The following HCK variants were observed in gnomAD, a reference collection of about 807,000 sequenced individuals.
HCK encodes HCK proto-oncogene, Src family tyrosine kinase.
In HCK, 40 loss-of-function variants were observed where a neutral mutation model predicts 70.4. The ratio of observed to expected loss-of-function variants is 0.57; its 90% CI spans 0.44 to 0.74. HCK has a LOEUF of 0.74. Ranked by LOEUF, HCK falls within the 30% of genes least tolerant of loss-of-function variation. The pLI is 0.00. For synonymous variants in HCK, 245 were observed against 263.2 expected (o/e 0.93, Z 0.67); for missense variants, 568 against 697.2 (o/e 0.81, Z 2.09).
At chr20:32,066,212 G>A (rs2045454565) in intron 1 of HCK, among the ~76,000 whole-genome samples, 2 of 149,810 alleles carry the variant, frequency 1.3e-5, no homozygotes, top group Admixed American at 6.7e-5. Flanking sequence ...AATAATATCA[G>A]CACCATCTGT....
At chr20:32,072,564 A>AG (rs2045559000) in intron 2 of HCK, 1 of 54,938 alleles carries the variant, frequency 1.8e-5, no homozygotes, top group Non-Finnish European at 2.9e-5. Flanking sequence ...CTGTCTCTTT[A>AG]AAAAAAAAAA....
chr20:32,059,429 CT>C (rs948031650), intron 1 of HCK, among the ~76,000 whole-genome samples: 2 of 145,380 alleles, frequency 1.4e-5, no homozygotes, highest in Non-Finnish European at 3.1e-5. Flanking sequence ...CTCTTTCTTT[CT>C]TTTTTCTTTC....
At chr20:32,072,496 G>A (rs770361896) in intron 2 of HCK, 1 of 139,734 alleles carries the variant, frequency 7.2e-6, no homozygotes, top group African/African-American at 2.7e-5. Flanking sequence ...CCAGGAGTTC[G>A]AACTGCATGA....
Position 32,073,736 on chromosome 20 carries a change from G to A in HCK, c.247G>A (p.Val83Met), listed in dbSNP as rs767291366. The A allele has an allele frequency of 1.3e-5, 21 of 1,558,022 alleles. No individual in the cohort carries two copies. Among genetic ancestry groups the A allele is most frequent in the African/African-American group, 2.7e-5 (2 of 73,488 alleles). Residue 83 changes from valine (V) to methionine (M), a missense_variant, in exon 4 of 13, where the codon GTG becomes ATG. Coordinates refer to ENST00000375852, the MANE Select transcript of HCK (RefSeq NM_002110.5). ...CCCAGCAGGCTCTGAGGACATCATC[G>A]TGGTTGCCCTGTATGATTACGAGGC...
chr20:32,095,700 A>C (rs2045945313), intron 11 of HCK, among the ~76,000 whole-genome samples: 1 of 152,172 alleles, frequency 6.6e-6, no homozygotes, highest in Non-Finnish European at 1.5e-5. Context: ...ACAACTTTGT[A>C]AATATTCTGA....
intron 1 of HCK, among the ~76,000 whole-genome samples, chr20:32,059,516 T>C (rs1411990007): frequency 6.6e-6 from 1 of 151,120 alleles, no homozygotes; most frequent in African/African-American, 2.4e-5. Flanking sequence ...TCTCTCTTTT[T>C]TTTTTCTTTT....
chr20:32,086,606 C>T, intron 8 of HCK, 22 bp from the exon 9 acceptor site: 1 of 1,587,850 alleles, frequency 6.3e-7, no homozygotes, highest in South Asian at 1.1e-5. Flanking sequence ...GACCACCTTC[C>T]CTGCTCTCTA....
chr20:32,086,885 G>T, intron 9 of HCK, 78 bp downstream of exon 9: 1 of 1,368,020 alleles, frequency 7.3e-7, no homozygotes, highest in South Asian at 1.5e-5. Context: ...CTTGGACATG[G>T]TTCTTGCCCT....
At chr20:32,091,004 C>T (rs949073405) in intron 10 of HCK, among the ~76,000 whole-genome samples, 11 of 152,226 alleles carry the variant, frequency 7.2e-5, no homozygotes, top group African/African-American at 2.7e-4. Context: ...TTCATCTTCA[C>T]ATGACCCCTT....
At chr20:32,095,260 T>TC (rs1403963363) in intron 11 of HCK, among the ~76,000 whole-genome samples, 1 of 152,060 alleles carries the variant, frequency 6.6e-6, no homozygotes, top group Non-Finnish European at 1.5e-5. Flanking sequence ...GAAGAGGCAA[T>TC]CTTTTTTTTT....
Position 32,063,850 on chromosome 20 carries a change from C to T in HCK, c.63-7812C>T, listed in dbSNP as rs2045415275. Among the ~76,000 whole-genome samples, 5 of 151,816 alleles carry T rather than the reference C, an allele frequency of 3.3e-5. No individual in the cohort carries two copies. The South Asian group carries it at 1.0e-3, about 32-fold the overall frequency. On this transcript the variant is annotated intron_variant, in intron 1 of 12. Transcript: ENST00000375852. ...TGGAAAATCCCTGAGATATCAGCTT[C>T]AGGCGAGGCTTAATCCAAGGCTGAG... is the stretch of plus-strand genomic sequence containing the variant.
At position 32,052,786 on chromosome 20, in the gene HCK, G is replaced by GGGT; in HGVS notation, c.62+302_62+303insTGG. Among the ~76,000 whole-genome samples, 4 of 129,798 alleles carry GGGT rather than the reference G, an allele frequency of 3.1e-5. 1 individual carries two copies. The highest frequency in any genetic ancestry group is 6.4e-5 in the Non-Finnish European group (4 of 62,630). 85.2% of individuals were successfully genotyped at this position (129,798 alleles called of 152,430 possible). ...GGCCGTCCAGGTTCCCCTTCTTGGGGGGGGGCGGGGATTTTTTTTTTAATT... is the reference window on the plus strand; with the variant it reads ...GGCCGTCCAGGTTCCCCTTCTTGGGGGGTGGGGGCGGGGATTTTTTTTTTAATT... On this transcript the variant is annotated intron_variant, in intron 1 of 12. Coordinates refer to ENST00000375852, the MANE Select transcript of HCK (RefSeq NM_002110.5).
chr20:32,058,018 C>T (rs2122459789), intron 1 of HCK, among the ~76,000 whole-genome samples: 1 of 152,306 alleles, frequency 6.6e-6, no homozygotes, highest in Non-Finnish European at 1.5e-5. Context: ...AGTCACCTCC[C>T]TGAGTTCCAG....
chr20:32,092,558 T>C (rs893656519), intron 10 of HCK, among the ~76,000 whole-genome samples: 1 of 152,214 alleles, frequency 6.6e-6, no homozygotes, highest in African/African-American at 2.4e-5. Context: ...CATGGTGATC[T>C]TTAAATGTAC....
At chr20:32,085,697 G>A (rs774946996) in intron 8 of HCK, among the ~76,000 whole-genome samples, 2 of 152,108 alleles carry the variant, frequency 1.3e-5, no homozygotes, top group Non-Finnish European at 2.9e-5. Context: ...GGAAACCCAA[G>A]CAATTATAAA....
chr20:32,094,799 A>AAGACAGAGAAAG (rs1569010646), intron 11 of HCK, among the ~76,000 whole-genome samples: 24 of 36,582 alleles, frequency 6.6e-4, no homozygotes, highest in African/African-American at 1.5e-3. Flanking sequence ...GAAAGAAAGA[A>AAGACAGAGAAAG]AGAAAGAAAG....
intron 4 of HCK, among the ~76,000 whole-genome samples, 155 bp from the exon 5 acceptor site, chr20:32,074,468 T>TG (rs2045592558): frequency 5.9e-5 from 9 of 151,978 alleles, no homozygotes; most frequent in African/African-American, 2.2e-4. Context: ...ACCCTAATCA[T>TG]GGCCACATGC....
chr20:32,094,695 A>C (rs901836452), intron 11 of HCK, among the ~76,000 whole-genome samples: 3 of 116,708 alleles, frequency 2.6e-5, no homozygotes, highest in African/African-American at 1.1e-4. Flanking sequence ...AAAAGAAAAG[A>C]AAAGAAAAGA....
chr20:32,059,971 T>G (rs2045342408), intron 1 of HCK, among the ~76,000 whole-genome samples: 1 of 152,188 alleles, frequency 6.6e-6, no homozygotes, highest in Non-Finnish European at 1.5e-5. Flanking sequence ...GATCAGCGCC[T>G]GTGTTACTGA....
Sources: gnomAD v4.1 joint callset for allele counts (sites outside exome capture counted in the v4.1 genomes callset) on GRCh38, gnomAD v4.1.1 for gene constraint, MANE v1.5 for transcripts, NCBI Gene and HGNC (gene_info 2026-07-23, HGNC 2026-07-21) for gene names.